The following UBR1 variants were observed in gnomAD, a reference collection of about 807,000 sequenced individuals.
UBR1 encodes the protein ubiquitin protein ligase E3 component n-recognin 1.
A neutral mutation model predicts 242.1 loss-of-function variants in UBR1; 102 were observed. The ratio of observed to expected loss-of-function variants is 0.42; its 90% confidence interval spans 0.36 to 0.50. The LOEUF is 0.50. UBR1 is among the 20% of genes least tolerant of loss of function. The pLI is 0.01. For missense variants in UBR1, 1,772 were observed against 2,101.8 expected (o/e 0.84, Z 3.07); for synonymous variants, 675 against 684.8 (o/e 0.99, Z 0.22).
chr15:43,076,072 C>G (rs2033886648), intron 3 of UBR1, among the ~76,000 whole-genome samples: 1 of 152,132 alleles, frequency 6.6e-6, no homozygotes, highest in Non-Finnish European at 1.5e-5. Flanking sequence ...TGCAACCTCC[C>G]CGCCTGATTC....
At chr15:43,003,065 A>G (rs1376869969) in intron 31 of UBR1, among the ~76,000 whole-genome samples, 1 of 152,202 alleles carries the variant, frequency 6.6e-6, no homozygotes, top group African/African-American at 2.4e-5. Context: ...TGTAATCTAA[A>G]GCCAAATGGG....
At chr15:43,012,968 C>A (rs1415105590) in intron 29 of UBR1, among the ~76,000 whole-genome samples, 1 of 152,158 alleles carries the variant, frequency 6.6e-6, no homozygotes, top group South Asian at 2.1e-4. Flanking sequence ...TGCAGTGGCA[C>A]AATCTCTGCT....
chr15:43,094,304 C>T (rs1026051405), intron 1 of UBR1, among the ~76,000 whole-genome samples: 2 of 151,854 alleles, frequency 1.3e-5, no homozygotes, highest in South Asian at 2.1e-4. Flanking sequence ...TGGTGGTGCA[C>T]GCCTGTAGTC....
At chr15:43,030,161 C>A in intron 20 of UBR1, 93 bp from the exon 21 acceptor site, 3 of 1,386,168 alleles carry the variant, frequency 2.2e-6, no homozygotes, top group Middle Eastern at 2.3e-4. Context: ...CAGAACACTG[C>A]ATTAAATTAA....
rs1339585111 is a variant in UBR1 at position 42,996,325 on chromosome 15, A to C, written c.3757+1843T>G. On this transcript the variant is annotated intron_variant, in intron 33 of 46. Coordinates refer to ENST00000290650, the MANE Select transcript of UBR1 (RefSeq NM_174916.3). ...TTGTATGATAACTTAGGCTGGGCAC[A>C]CTGGCTCATGCCTGTAATCCTGGTA... Among the ~76,000 whole-genome samples, 3 of 152,158 alleles carry C rather than the reference A, an allele frequency of 2.0e-5. No individual in the cohort carries two copies. In the East Asian group the frequency reaches 5.8e-4, roughly 29 times the overall value.
chr15:43,096,444 G>A (rs1053101087), intron 1 of UBR1, among the ~76,000 whole-genome samples: 15 of 152,280 alleles, frequency 9.9e-5, no homozygotes, highest in Admixed American at 1.3e-4. Flanking sequence ...TTACAGCCGT[G>A]AGCCAACGCG....
At chr15:42,983,842 A>G in intron 37 of UBR1, 55 bp downstream of exon 37, 1 of 1,087,876 alleles carries the variant, frequency 9.2e-7, no homozygotes, top group Non-Finnish European at 1.2e-6. Flanking sequence ...GAAATGCAAT[A>G]GAAAAAGATA....
rs1318911462 is a variant in UBR1 at position 43,047,293 on chromosome 15, C to T, written c.1540-4G>A. 1 of 1,613,968 alleles carries T rather than the reference C, an allele frequency of 6.2e-7. No homozygotes were observed. The highest frequency in any genetic ancestry group is 8.5e-7 in the Non-Finnish European group (1 of 1,179,978). ...GTCTTCGGATTTCTTCCATTCCCTG[C>T]AATTACAAGTTGGTCAACATACACC... is the stretch of plus-strand genomic sequence containing the variant. On this transcript the variant is annotated splice_region_variant and splice_polypyrimidine_tract_variant and intron_variant, in intron 13 of 46. Coordinates refer to ENST00000290650, the MANE Select transcript of UBR1 (RefSeq NM_174916.3).
At chr15:43,095,949 T>C (rs1379128562) in intron 1 of UBR1, among the ~76,000 whole-genome samples, 3 of 152,212 alleles carry the variant, frequency 2.0e-5, no homozygotes, top group African/African-American at 7.2e-5. Flanking sequence ...GGTTTCCCAA[T>C]GCATATGAAA....
intron 37 of UBR1, among the ~76,000 whole-genome samples, chr15:42,983,199 C>G (rs1038921319): frequency 6.6e-6 from 1 of 152,138 alleles, no homozygotes; most frequent in Non-Finnish European, 1.5e-5. Flanking sequence ...ATTTGACCCA[C>G]AAACAAAACT....
At chr15:43,057,849 A>C (rs2033636871) in intron 10 of UBR1, among the ~76,000 whole-genome samples, 1 of 152,140 alleles carries the variant, frequency 6.6e-6, no homozygotes, top group Non-Finnish European at 1.5e-5. Context: ...TTCTCTAAGA[A>C]TGCTGTTTCT....
At chr15:43,007,617 A>G (rs1018775707) in intron 29 of UBR1, among the ~76,000 whole-genome samples, 61 of 151,710 alleles carry the variant, frequency 4.0e-4, no homozygotes, top group Non-Finnish European at 1.6e-4. Context: ...TAAATTTTGG[A>G]AAATCTATAA....
intron 5 of UBR1, among the ~76,000 whole-genome samples, 179 bp from the exon 6 acceptor site, chr15:43,068,215 G>A (rs2033779752): frequency 7.1e-6 from 1 of 140,332 alleles, no homozygotes; most frequent in African/African-American, 2.7e-5. Flanking sequence ...TTGAAACAGG[G>A]TCTCACTCTG....
intron 15 of UBR1, among the ~76,000 whole-genome samples, chr15:43,040,444 T>C (rs2033402303): frequency 1.3e-5 from 2 of 152,138 alleles, no homozygotes; most frequent in Admixed American, 6.6e-5. Flanking sequence ...TATACAAAAA[T>C]TAATTCAAGA....
chr15:43,003,804 C>T, intron 31 of UBR1, 33 bp downstream of exon 31: 1 of 1,603,510 alleles, frequency 6.2e-7, no homozygotes, highest in Non-Finnish European at 8.5e-7. Context: ...TGTTCCTAGT[C>T]TCTTTCAAGA....
Position 43,029,985 on chromosome 15 carries a change from G to A in UBR1, c.2338C>T (p.Pro780Ser). 3.1e-6 allele frequency: 5 copies of A among 1,614,044 alleles called. No individual in the cohort carries two copies. The highest frequency in any genetic ancestry group is 2.7e-5 in the African/African-American group (2 of 75,036). Residue 780 changes from proline (P) to serine (S), a missense_variant, in exon 21 of 47, where the codon CCC becomes TCC. This residue lies in a region of UBR1 where 73 missense variants were observed against 128.9 expected (regional missense o/e 0.57). Coordinates refer to ENST00000290650, the MANE Select transcript of UBR1 (RefSeq NM_174916.3). ...REIIHLLCIE[P>S]MPHSAIAKNL... is the part of the protein sequence containing the mutation. ...TTGGCAATGGCACTGTGTGGCATGGGTTCAATGCAAAGCAAGTGAATGATT... is the reference window on the plus strand; with the variant it reads ...TTGGCAATGGCACTGTGTGGCATGGATTCAATGCAAAGCAAGTGAATGATT...
rs2031688778 is a variant in UBR1, at chr15:42,943,814, T to C, written c.*1515A>G. The C allele has an allele frequency of 6.6e-6, 1 of 152,352 alleles. No individual in the cohort carries two copies. Among genetic ancestry groups the C allele is most frequent in the Non-Finnish European group, 1.5e-5 (1 of 68,042 alleles). 9.4% of individuals were successfully genotyped at this position (152,352 alleles called of 1,614,324 possible). A position where few individuals can be genotyped will look rare whatever the true frequency, so the allele number is the denominator to read the frequency against. On this transcript the variant is annotated 3_prime_UTR_variant, in exon 47 of 47. Transcript: ENST00000290650. The stretch of plus-strand genomic sequence containing the variant: ...CCTGTTATTGTTACAAATTGTTCAC[T>C]AGACATGTATCTATTTATCCAGATA...
intron 1 of UBR1, among the ~76,000 whole-genome samples, chr15:43,089,367 C>A (rs1426329997): frequency 6.6e-6 from 1 of 151,920 alleles, no homozygotes; most frequent in Non-Finnish European, 1.5e-5. Context: ...TGGTGGTAGG[C>A]GCCTGTAGTC....
At chr15:43,009,279 G>A (rs556751331) in intron 29 of UBR1, among the ~76,000 whole-genome samples, 10 of 152,320 alleles carry the variant, frequency 6.6e-5, no homozygotes, top group African/African-American at 2.2e-4. Flanking sequence ...AAGAGTCCCT[G>A]CAGCGGAACC....
Sources: allele counts gnomAD v4.1 joint callset (sites outside exome capture counted in the v4.1 genomes callset), GRCh38; gene constraint gnomAD v4.1.1; regional missense constraint gnomAD v4.1.1; transcripts MANE v1.5; gene names NCBI Gene and HGNC (gene_info 2026-07-23, HGNC 2026-07-21).